The following LPCAT1 variants were observed in gnomAD, a reference collection of about 807,000 sequenced individuals.
LPCAT1 encodes lysophosphatidylcholine acyltransferase 1, also known as 1-acylglycerol-3-phosphate O-acyltransferase.
LPCAT1 carries 23 observed loss-of-function variants against 60.9 expected under a neutral mutation model. The ratio of observed to expected loss-of-function variants is 0.38; its 90% CI spans 0.27 to 0.53. The LOEUF is 0.53. LPCAT1 is among the 20% of genes least tolerant of loss of function. The pLI, the probability that LPCAT1 is intolerant of heterozygous loss-of-function variation, is 0.82. For synonymous variants in LPCAT1, 340 were observed against 301.1 expected, an observed-to-expected ratio of 1.13 and a Z score of -1.34; for missense variants, 622 against 723.6, an observed-to-expected ratio of 0.86 and a Z score of 1.61.
At position 1,463,698 on chromosome 5, in the gene LPCAT1, C is replaced by G; in HGVS notation, c.1558G>C (p.Glu520Gln). The change falls in exon 14 of 14, where the codon GAA (glutamate) becomes CAA (glutamine). Residue 520 changes from glutamate (E) to glutamine (Q), a missense_variant. By Grantham distance (29) the Glu-to-Gln change is conservative (BLOSUM62 2). Around this residue, in one of 3 missense-constraint regions of LPCAT1, gnomAD observed 288 missense variants for 283.6 expected, o/e 1.02. Coordinates refer to ENST00000283415, the MANE Select transcript of LPCAT1 (RefSeq NM_024830.5). ...GGCTTCCGCCCAGCGTCTGAGTTTT[C>G]CGGGCTGAAATCGGCACAGAAGCCG... is the stretch of plus-strand genomic sequence containing the variant. ...PNGFCADFSP[E>Q]NSDAGRKPVR... 6.2e-7 allele frequency: 1 copy of G among 1,614,268 alleles called. No individual in the cohort carries two copies. Among genetic ancestry groups the G allele is most frequent in the Non-Finnish European group, 8.5e-7 (1 of 1,180,048 alleles).
chr5:1,501,510 G>A lies in LPCAT1; in HGVS notation c.229C>T (p.Leu77=), dbSNP rs1236475056. Residue 77 remains leucine (L), a synonymous_variant, in exon 2 of 14, where the codon CTG becomes TTG. Transcript: ENST00000283415. ...LAWPLALVAS[L]GSAEKEPEQP... Reference sequence around the variant, plus strand: ...TCGGGTTCCTTCTCCGCAGAGCCCAGGGATGCGACAAGTGCGAGGGGCCAG... The same window carrying A: ...TCGGGTTCCTTCTCCGCAGAGCCCAAGGATGCGACAAGTGCGAGGGGCCAG... 6.2e-7 allele frequency: 1 copy of A among 1,613,906 alleles called. No homozygotes were observed. Among genetic ancestry groups the A allele is most frequent in the Admixed American group, 1.7e-5 (1 of 60,026 alleles).
In LPCAT1 at chr5:1,502,155, G is replaced by T. The variant is rs1736039787; in HGVS notation, c.136-552C>A. Among the ~76,000 whole-genome samples, 1 of 152,204 alleles carries T rather than the reference G, an allele frequency of 6.6e-6. No homozygotes were observed. The highest frequency in any genetic ancestry group is 1.5e-5 in the Non-Finnish European group (1 of 68,028). ...CTGGAGCTGCCATGCGAGTGGCTTGGGAAAGACACAGTGGAGCTTCCTCCT... is the reference window on the plus strand; with the variant it reads ...CTGGAGCTGCCATGCGAGTGGCTTGTGAAAGACACAGTGGAGCTTCCTCCT... On this transcript the variant is annotated intron_variant, in intron 1 of 13. Transcript: ENST00000283415. This position sits in a 1 kb window ranked among gnomAD's most constrained non-coding sequence, Gnocchi z 5.5.
chr5:1,481,018 C>G lies in LPCAT1; in HGVS notation c.727-42G>C. On this transcript the variant is annotated intron_variant, in intron 6 of 13. Coordinates refer to ENST00000283415, the MANE Select transcript of LPCAT1 (RefSeq NM_024830.5). This position sits in a 1 kb window ranked among gnomAD's most constrained non-coding sequence, Gnocchi z 7.8. ...AGGGTCAGTCAGCATGGGGCCTGCA[C>G]CCAGGGCCTGCACCAAGCACCTGCG... 1 of 1,602,450 alleles carries G rather than the reference C, an allele frequency of 6.2e-7. No homozygotes were observed. Among genetic ancestry groups the G allele is most frequent in the Admixed American group, 1.7e-5 (1 of 58,972 alleles).
intron 3 of LPCAT1, among the ~76,000 whole-genome samples, chr5:1,493,646 C>G (rs1284468279): frequency 1.3e-5 from 2 of 152,186 alleles, no homozygotes; most frequent in African/African-American, 4.8e-5. Flanking sequence ...AGCACGAGGA[C>G]AGAACGGGCC....
chr5:1,515,315 C>T (rs1000367202), intron 1 of LPCAT1, among the ~76,000 whole-genome samples: 1 of 151,816 alleles, frequency 6.6e-6, no homozygotes, highest in African/African-American at 2.4e-5. Flanking sequence ...GCCTGCCCGG[C>T]CCTTCCTACT....
intron 2 of LPCAT1, among the ~76,000 whole-genome samples, chr5:1,499,159 A>G (rs573705494): frequency 5.6e-4 from 85 of 152,356 alleles, no homozygotes; most frequent in African/African-American, 1.6e-3. Flanking sequence ...AGCCAAGTCA[A>G]TTATTCACAG....
chr5:1,489,618 C>T, intron 4 of LPCAT1, 128 bp downstream of exon 4: 1 of 778,512 alleles, frequency 1.3e-6, no homozygotes, highest in Non-Finnish European at 2.3e-6. Context: ...TGAGTTCACG[C>T]ACTCACTAGG....
intron 9 of LPCAT1, among the ~76,000 whole-genome samples, chr5:1,475,482 C>G (rs997139882): frequency 3.3e-5 from 5 of 152,324 alleles, no homozygotes; most frequent in Admixed American, 6.5e-5. Flanking sequence ...GCACCTCTCT[C>G]CAGGCCAGCA....
intron 12 of LPCAT1, among the ~76,000 whole-genome samples, chr5:1,467,499 G>T (rs773338860): frequency 6.6e-6 from 1 of 152,034 alleles, no homozygotes; most frequent in African/African-American, 2.4e-5. Flanking sequence ...TGTGGAAGCG[G>T]CGGCTCCGGC....
Position 1,521,350 on chromosome 5 carries a change from T to C in LPCAT1, c.135+2360A>G. ...ACAGGTAAATGCAGGTACTCACTGG[T>C]TTATCTCAACTGGGAACTTAGCTGG... On this transcript the variant is annotated intron_variant, in intron 1 of 13. Coordinates refer to ENST00000283415, the MANE Select transcript of LPCAT1 (RefSeq NM_024830.5). This position sits in a 1 kb window ranked among gnomAD's most constrained non-coding sequence, Gnocchi z 4.3. 5.1e-6 allele frequency: 5 copies of C among 985,376 alleles called. No homozygotes were observed. Among genetic ancestry groups the C allele is most frequent in the Non-Finnish European group, 6.0e-6 (5 of 829,910 alleles). The allele number at this position is 985,376 out of a possible 1,614,324, so 61.0% of individuals were successfully genotyped here.
At chr5:1,512,364 G>A (rs1479268226) in intron 1 of LPCAT1, among the ~76,000 whole-genome samples, 2 of 152,174 alleles carry the variant, frequency 1.3e-5, no homozygotes, top group African/African-American at 2.4e-5. Flanking sequence ...GGGTCACAAG[G>A]CCCCGGCCCA....
intron 1 of LPCAT1, among the ~76,000 whole-genome samples, chr5:1,512,547 A>G (rs1243827066): frequency 6.6e-6 from 1 of 152,202 alleles, no homozygotes; most frequent in African/African-American, 2.4e-5. Flanking sequence ...TCAGACTTTC[A>G]ACCTTGTGTA....
At chr5:1,471,805 C>T (rs1056863099) in intron 11 of LPCAT1, among the ~76,000 whole-genome samples, 2 of 150,136 alleles carry the variant, frequency 1.3e-5, no homozygotes, top group Non-Finnish European at 3.0e-5. Flanking sequence ...GTGAGAAGCA[C>T]TCAGGACAGG....
intron 3 of LPCAT1, among the ~76,000 whole-genome samples, chr5:1,491,237 G>GAGTCGTCTCGC (rs1376480363): frequency 1.3e-5 from 2 of 152,152 alleles, no homozygotes; most frequent in Non-Finnish European, 2.9e-5. Flanking sequence ...AAGAATGGCG[G>GAGTCGTCTCGC]AGTCGTCTCG....
rs376143927 is a variant in LPCAT1 at position 1,474,747 on chromosome 5, C to T, written c.900-62G>A. The stretch of plus-strand genomic sequence containing the variant: ...GTGGCAGCCAGTTCCCACCGCCCCA[C>T]CAGAATAACCGCCGATGGCTCAGGG... On this transcript the variant is annotated intron_variant, in intron 9 of 13. Transcript: ENST00000283415. 3,626 of 1,553,960 alleles carry T rather than the reference C, an allele frequency of 2.3e-3. 65 individuals carry two copies. The South Asian group carries it at 0.027, about 12-fold the overall frequency.
rs1484532213 is a variant in LPCAT1 at position 1,477,076 on chromosome 5, A to C, written c.899+328T>G. 6.6e-6 allele frequency among the ~76,000 whole-genome samples: 1 copy of C among 152,240 alleles called. No individual in the cohort carries two copies. Among genetic ancestry groups the C allele is most frequent in the Admixed American group, 6.5e-5 (1 of 15,292 alleles). ...CAAAGGTAGGCGTGGAGGCCGCCGC[A>C]CAGATGTGAAGTTGGCCCAGGCCAG... On this transcript the variant is annotated intron_variant, in intron 9 of 13. Transcript: ENST00000283415. This position sits in a 1 kb window ranked among gnomAD's most constrained non-coding sequence, Gnocchi z 6.0.
intron 1 of LPCAT1, among the ~76,000 whole-genome samples, chr5:1,514,242 G>C (rs1232394984): frequency 6.6e-6 from 1 of 152,222 alleles, no homozygotes; most frequent in East Asian, 1.9e-4. Flanking sequence ...CCCGGCACAG[G>C]CCAGGCACAG....
intron 1 of LPCAT1, among the ~76,000 whole-genome samples, chr5:1,514,836 CATA>C (rs1337479731): frequency 6.6e-6 from 1 of 152,204 alleles, no homozygotes. Flanking sequence ...GACCTTCACA[CATA>C]CCAGCACGCT....
Position 1,487,991 on chromosome 5 carries a change from C to G in LPCAT1, c.667+400G>C, listed in dbSNP as rs73031880. 3.0e-3 allele frequency among the ~76,000 whole-genome samples: 463 copies of G among 152,288 alleles called. 3 individuals are homozygous for G. Among genetic ancestry groups the G allele is most frequent in the African/African-American group, 0.011 (444 of 41,548 alleles). ...ACTGGGGACCTGGGGACCTGGGCAT[C>G]TGAGGATGGCTCGCAGGGATTTGCA... is the stretch of plus-strand genomic sequence containing the variant. On this transcript the variant is annotated intron_variant, in intron 5 of 13. Transcript: ENST00000283415. This position sits in a 1 kb window ranked among gnomAD's most constrained non-coding sequence, Gnocchi z 6.1.
Sources: gnomAD v4.1 joint callset for allele counts (sites outside exome capture counted in the v4.1 genomes callset) on GRCh38, gnomAD v4.1.1 for gene constraint, gnomAD v4.1.1 regional missense constraint, Gnocchi (gnomAD v3.1) non-coding constraint, MANE v1.5 for transcripts, NCBI Gene and HGNC (gene_info 2026-07-23, HGNC 2026-07-21) for gene names.